ENTREP1: variants seen among roughly 807,000 people sequenced by gnomAD.
The protein encoded by ENTREP1 is endosomal transmembrane epsin interactor 1.
chr9:69,350,594 C>CT, the ENTREP1 span, among the ~76,000 whole-genome samples: 4 of 152,114 alleles, frequency 2.6e-5, no homozygotes, highest in Non-Finnish European at 5.9e-5. Flanking sequence ...CTCATGCATT[C>CT]TTTTTCTTTG....
the ENTREP1 span, chr9:69,391,655 A>AG: frequency 6.2e-7 from 1 of 1,614,070 alleles, no homozygotes; most frequent in Non-Finnish European, 8.5e-7. Context: ...GCCCTCGCGG[A>AG]GACAGCCTGG....
the ENTREP1 span, among the ~76,000 whole-genome samples, chr9:69,389,770 A>T: frequency 4.1e-4 from 63 of 152,300 alleles, no homozygotes; most frequent in African/African-American, 1.4e-3. Flanking sequence ...TTGCTCCCTG[A>T]GAAATAGCTC....
the ENTREP1 span, chr9:69,384,140 A>T: frequency 1.4e-6 from 1 of 704,070 alleles, no homozygotes; most frequent in Non-Finnish European, 2.4e-6. Flanking sequence ...GGAGGATCAC[A>T]TGAGGCCAGG....
chr9:69,337,300 G>T, the ENTREP1 span, among the ~76,000 whole-genome samples: 3 of 152,076 alleles, frequency 2.0e-5, no homozygotes, highest in Non-Finnish European at 4.4e-5. Context: ...GAGCCACCGC[G>T]CCTGGACTCC....
At chr9:69,334,784 T>TC in the ENTREP1 span, among the ~76,000 whole-genome samples, 1 of 150,082 alleles carries the variant, frequency 6.7e-6, no homozygotes, top group Non-Finnish European at 1.5e-5. Context: ...TCTTTTTTTT[T>TC]TTTTTTTTTT....
the ENTREP1 span, among the ~76,000 whole-genome samples, chr9:69,366,961 C>T: frequency 1.1e-4 from 16 of 152,170 alleles, no homozygotes; most frequent in South Asian, 1.7e-3. Flanking sequence ...CTGTCACCCA[C>T]GCTGAAGTGC....
the ENTREP1 span, among the ~76,000 whole-genome samples, chr9:69,362,634 A>G: frequency 6.6e-6 from 1 of 152,140 alleles, no homozygotes; most frequent in Non-Finnish European, 1.5e-5. Context: ...ACTTGATTGG[A>G]TTGAAGGATG....
the ENTREP1 span, among the ~76,000 whole-genome samples, chr9:69,367,266 T>G: frequency 6.6e-6 from 1 of 151,894 alleles, no homozygotes; most frequent in African/African-American, 2.4e-5. Context: ...CCATGCTGTT[T>G]TGGTTACTAT....
chr9:69,362,848 C>T, the ENTREP1 span, among the ~76,000 whole-genome samples: 1 of 152,320 alleles, frequency 6.6e-6, no homozygotes, highest in Non-Finnish European at 1.5e-5. Flanking sequence ...GTGCTGGATG[C>T]TTCCTGCCCT....
chr9:69,360,918 A>G, the ENTREP1 span, among the ~76,000 whole-genome samples: 2 of 152,004 alleles, frequency 1.3e-5, no homozygotes, highest in Non-Finnish European at 2.9e-5. Context: ...AAGTAAAAAT[A>G]TTTTTATCCT....
chr9:69,345,368 C>T, the ENTREP1 span, among the ~76,000 whole-genome samples: 1 of 152,172 alleles, frequency 6.6e-6, no homozygotes, highest in South Asian at 2.1e-4. Flanking sequence ...GGGTCAGACC[C>T]AGATTTGACC....
the ENTREP1 span, among the ~76,000 whole-genome samples, chr9:69,335,582 G>T: frequency 2.0e-5 from 3 of 152,192 alleles, no homozygotes; most frequent in Non-Finnish European, 4.4e-5. Flanking sequence ...GAGCAGGTAA[G>T]AGAAGATCTT....
chr9:69,367,744 C>CACACAT, the ENTREP1 span, among the ~76,000 whole-genome samples: 2 of 98,692 alleles, frequency 2.0e-5, no homozygotes, highest in East Asian at 5.5e-4. Context: ...TATATATACA[C>CACACAT]ATATATAAAT....
At chr9:69,381,315 T>C in the ENTREP1 span, 1 of 152,206 alleles carries the variant, frequency 6.6e-6, no homozygotes, top group African/African-American at 2.4e-5. Flanking sequence ...GGGAGTATTG[T>C]TATGAGATAA....
At chr9:69,385,779 TTTTTTTTTA>T in the ENTREP1 span, 172 of 1,365,912 alleles carry the variant, frequency 1.3e-4, 1 homozygote, top group African/African-American at 7.1e-4. Flanking sequence ...TTTTTTTTTT[TTTTTTTTTA>T]AATCAGATGG....
At chr9:69,383,626 C>T in the ENTREP1 span, 1 of 1,614,022 alleles carries the variant, frequency 6.2e-7, no homozygotes, top group Admixed American at 1.7e-5. Flanking sequence ...GTCGCTTTTC[C>T]TAGGATGGTT....
the ENTREP1 span, among the ~76,000 whole-genome samples, chr9:69,350,071 A>G: frequency 6.6e-6 from 1 of 152,178 alleles, no homozygotes; most frequent in African/African-American, 2.4e-5. Flanking sequence ...TTGAAGCACA[A>G]AAGTTTACAA....
chr9:69,334,391 C>T, the ENTREP1 span, among the ~76,000 whole-genome samples: 1 of 152,286 alleles, frequency 6.6e-6, no homozygotes, highest in South Asian at 2.1e-4. Flanking sequence ...TAGACTTGTC[C>T]TATGCTGGTC....
At chr9:69,357,756 T>C in the ENTREP1 span, among the ~76,000 whole-genome samples, 4 of 152,174 alleles carry the variant, frequency 2.6e-5, no homozygotes, top group Non-Finnish European at 5.9e-5. Flanking sequence ...TTGGTTGCTG[T>C]GGTGCTGGGC....
Sources: allele counts gnomAD v4.1 joint callset (sites outside exome capture counted in the v4.1 genomes callset), GRCh38; gene constraint gnomAD v4.1.1; transcripts MANE v1.5; gene names NCBI Gene and HGNC (gene_info 2026-07-23, HGNC 2026-07-21).